HYCC1: variants seen among roughly 807,000 people sequenced by gnomAD.
HYCC1 encodes hyccin PI4KA lipid kinase complex subunit 1, also known as hyccin.
At chr7:22,982,056 A>T in the HYCC1 span, among the ~76,000 whole-genome samples, 5 of 152,342 alleles carry the variant, frequency 3.3e-5, no homozygotes, top group Admixed American at 6.5e-5. Context: ...TTCATGACAG[A>T]ATAATTTTTA....
the HYCC1 span, chr7:22,942,469 C>CT: frequency 6.6e-6 from 1 of 152,108 alleles, no homozygotes; most frequent in African/African-American, 2.4e-5. Context: ...CTTGAAAAGT[C>CT]TATTTTTGTT....
At chr7:22,907,306 TGA>T in the HYCC1 span, among the ~76,000 whole-genome samples, 1 of 151,976 alleles carries the variant, frequency 6.6e-6, no homozygotes, top group African/African-American at 2.4e-5. Flanking sequence ...AAGGTAACAA[TGA>T]AGCAAAAAAG....
At chr7:22,960,212 A>G in the HYCC1 span, 3 of 1,582,460 alleles carry the variant, frequency 1.9e-6, no homozygotes, top group Non-Finnish European at 2.6e-6. Flanking sequence ...AAAAATGTAA[A>G]AGAATCAACA....
the HYCC1 span, among the ~76,000 whole-genome samples, chr7:22,921,699 A>C: frequency 3.3e-5 from 5 of 152,188 alleles, no homozygotes; most frequent in Admixed American, 2.0e-4. Context: ...AAATAATAGC[A>C]ACATAAATTC....
At chr7:22,982,383 T>G in the HYCC1 span, among the ~76,000 whole-genome samples, 1 of 152,186 alleles carries the variant, frequency 6.6e-6, no homozygotes, top group South Asian at 2.1e-4. Context: ...AAATTCATGA[T>G]ACGCATTATA....
chr7:22,974,941 C>T, the HYCC1 span, among the ~76,000 whole-genome samples: 2 of 152,132 alleles, frequency 1.3e-5, no homozygotes, highest in African/African-American at 2.4e-5. Flanking sequence ...CCATGTAAGA[C>T]GTGCCTTTGT....
the HYCC1 span, among the ~76,000 whole-genome samples, chr7:22,920,316 A>G: frequency 6.6e-6 from 1 of 152,234 alleles, no homozygotes; most frequent in African/African-American, 2.4e-5. Flanking sequence ...CCTGAGTGAC[A>G]GAGTGAGACC....
chr7:22,991,247 G>T, the HYCC1 span: 3 of 686,636 alleles, frequency 4.4e-6, no homozygotes, highest in East Asian at 2.8e-5. Flanking sequence ...TTTGTGAAAT[G>T]AGTTTCAAAC....
At chr7:22,971,142 T>G in the HYCC1 span, among the ~76,000 whole-genome samples, 1 of 151,578 alleles carries the variant, frequency 6.6e-6, no homozygotes, top group Non-Finnish European at 1.5e-5. Flanking sequence ...CTTTTGGGAT[T>G]GTTAATATAG....
the HYCC1 span, among the ~76,000 whole-genome samples, chr7:22,970,729 T>C: frequency 2.6e-5 from 4 of 152,154 alleles, no homozygotes; most frequent in Admixed American, 1.3e-4. Flanking sequence ...CTGAATTAGG[T>C]TTTTTCTGAT....
the HYCC1 span, among the ~76,000 whole-genome samples, chr7:22,962,565 G>T: frequency 6.8e-6 from 1 of 146,436 alleles, no homozygotes; most frequent in Non-Finnish European, 1.5e-5. Context: ...GACCAATTCG[G>T]CTCTGAGGGT....
the HYCC1 span, chr7:22,942,660 A>G: frequency 4.6e-5 from 7 of 152,284 alleles, no homozygotes; most frequent in African/African-American, 1.7e-4. Flanking sequence ...CAAGACCCCA[A>G]TTTTGTGTGG....
chr7:22,977,487 TTAAA>T, the HYCC1 span: 3 of 950,108 alleles, frequency 3.2e-6, no homozygotes, highest in African/African-American at 5.0e-5. Flanking sequence ...CAAACTAAAT[TTAAA>T]TAGTCTAAAA....
chr7:22,937,728 T>C, the HYCC1 span: 2 of 152,316 alleles, frequency 1.3e-5, no homozygotes, highest in African/African-American at 4.8e-5. Flanking sequence ...TTATATTATA[T>C]TCCCACAGGG....
At chr7:23,002,136 GTATATA>G in the HYCC1 span, among the ~76,000 whole-genome samples, 727 of 76,508 alleles carry the variant, frequency 9.5e-3, 2 homozygotes, top group South Asian at 0.017. Context: ...GGTAAAAATT[GTATATA>G]TATATATATA....
chr7:22,942,869 A>G, the HYCC1 span: 1 of 152,212 alleles, frequency 6.6e-6, no homozygotes, highest in Admixed American at 6.5e-5. Flanking sequence ...AAAACTTTCA[A>G]TGTGTAATCC....
the HYCC1 span, among the ~76,000 whole-genome samples, chr7:22,979,259 G>T: frequency 6.6e-6 from 1 of 152,160 alleles, no homozygotes; most frequent in Admixed American, 6.5e-5. Flanking sequence ...TATAATTAAA[G>T]TCAATATTGT....
the HYCC1 span, among the ~76,000 whole-genome samples, chr7:22,898,594 C>A: frequency 3.0e-5 from 2 of 66,096 alleles, no homozygotes; most frequent in African/African-American, 9.4e-5. Flanking sequence ...CTTTTCTTTT[C>A]TTTTCTTTTC....
At chr7:22,924,856 T>A in the HYCC1 span, among the ~76,000 whole-genome samples, 1 of 152,076 alleles carries the variant, frequency 6.6e-6, no homozygotes, top group Non-Finnish European at 1.5e-5. Flanking sequence ...GCATGCAGTT[T>A]GAGATCTGAG....
Sources: allele counts gnomAD v4.1 joint callset (sites outside exome capture counted in the v4.1 genomes callset), GRCh38; gene constraint gnomAD v4.1.1; transcripts MANE v1.5; gene names NCBI Gene and HGNC (gene_info 2026-07-23, HGNC 2026-07-21).